Variants in ARHGEF7 observed in about 807,000 individuals in gnomAD.
The protein encoded by ARHGEF7 is Rho guanine nucleotide exchange factor 7.
In ARHGEF7, 33 loss-of-function variants were observed where a neutral mutation model predicts 109.8. The observed-to-expected ratio is 0.30, with a 90% CI of 0.23 to 0.40. The LOEUF is 0.40. Ranked by LOEUF, ARHGEF7 falls within the 10% of genes least tolerant of loss-of-function variation. ARHGEF7 has a pLI of 1.00. For synonymous variants in ARHGEF7, 458 were observed against 424.6 expected (o/e 1.08, Z -0.97); for missense variants, 938 against 1,098.5 (o/e 0.85, Z 2.07).
chr13:111,170,497 C>T (rs1337603341), intron 2 of ARHGEF7, among the ~76,000 whole-genome samples: 1 of 152,220 alleles, frequency 6.6e-6, no homozygotes, highest in Non-Finnish European at 1.5e-5. Flanking sequence ...CTTATTTTAT[C>T]TCTTATGTAG....
At chr13:111,216,278 G>C (rs946976354) in intron 4 of ARHGEF7, among the ~76,000 whole-genome samples, 5 of 152,138 alleles carry the variant, frequency 3.3e-5, no homozygotes, top group East Asian at 1.9e-4. Flanking sequence ...GTTGCTGGAT[G>C]GGGGGGTGAT....
intron 15 of ARHGEF7, chr13:111,281,181 C>CTTTTTTTTTTTTTTTTTTTTTTTTTTTT: frequency 1.7e-5 from 1 of 59,446 alleles, no homozygotes; most frequent in Non-Finnish European, 3.1e-5. Context: ...TATTTAGAGA[C>CTTTTTTTTTTTTTTTTTTTTTTTTTTTT]TTTTTTTTTT....
At chr13:111,193,017 T>C (rs1038902510) in intron 2 of ARHGEF7, among the ~76,000 whole-genome samples, 1 of 152,218 alleles carries the variant, frequency 6.6e-6, no homozygotes, top group Non-Finnish European at 1.5e-5. Context: ...ATTATTCCTT[T>C]GGCACACCTC....
chr13:111,132,361 C>T (rs1204079625), intron 1 of ARHGEF7, among the ~76,000 whole-genome samples: 1 of 152,078 alleles, frequency 6.6e-6, no homozygotes, highest in African/African-American at 2.4e-5. Flanking sequence ...TTAATATTTC[C>T]CCTTTGATTC....
At chr13:111,150,502 TG>T (rs1330463457) in intron 1 of ARHGEF7, among the ~76,000 whole-genome samples, 64 of 152,348 alleles carry the variant, frequency 4.2e-4, no homozygotes, top group African/African-American at 1.5e-3. Flanking sequence ...CAATATGCAT[TG>T]TTTTTTTACA....
At chr13:111,153,142 T>C (rs1437479547) in intron 1 of ARHGEF7, among the ~76,000 whole-genome samples, 1 of 152,260 alleles carries the variant, frequency 6.6e-6, no homozygotes, top group Non-Finnish European at 1.5e-5. Flanking sequence ...TTTTAAGTCA[T>C]TGCATTAGAA....
chr13:111,223,483 C>G (rs889390632), intron 5 of ARHGEF7, among the ~76,000 whole-genome samples: 2 of 152,164 alleles, frequency 1.3e-5, no homozygotes, highest in African/African-American at 2.4e-5. Flanking sequence ...CTAAATGGCA[C>G]TTTTTTAGGC....
At chr13:111,238,804 C>G (rs1595062934) in intron 6 of ARHGEF7, among the ~76,000 whole-genome samples, 1 of 152,100 alleles carries the variant, frequency 6.6e-6, no homozygotes, top group African/African-American at 2.4e-5. Context: ...TGGGAAGACA[C>G]AGTCCTTATG....
intron 5 of ARHGEF7, among the ~76,000 whole-genome samples, chr13:111,223,036 A>G (rs2084680225): frequency 6.6e-6 from 1 of 152,220 alleles, no homozygotes; most frequent in Non-Finnish European, 1.5e-5. Context: ...TATTGTACCT[A>G]ATTTCCAGAT....
In ARHGEF7 at chr13:111,218,550, A is replaced by G. The variant is rs368585107; in HGVS notation, c.670+670A>G. Among the ~76,000 whole-genome samples, 11 of 152,268 alleles carry G rather than the reference A, an allele frequency of 7.2e-5. No individual in the cohort carries two copies. The East Asian group carries it at 1.7e-3, about 24-fold the overall frequency. ...TACTTGCATCCTGCCCTGTAGTTGA[A>G]AAACACCGTTGTATACTACAGTTCC... is the stretch of plus-strand genomic sequence containing the variant. On this transcript the variant is annotated intron_variant, in intron 5 of 21. Transcript: ENST00000646102.
chr13:111,132,355 T>A (rs969912645), intron 1 of ARHGEF7, among the ~76,000 whole-genome samples: 1 of 152,210 alleles, frequency 6.6e-6, no homozygotes, highest in Non-Finnish European at 1.5e-5. Context: ...AGGTGTTTAA[T>A]ATTTCCCCTT....
At chr13:111,199,827 A>G (rs2081001884) in intron 2 of ARHGEF7, among the ~76,000 whole-genome samples, 5 of 152,204 alleles carry the variant, frequency 3.3e-5, no homozygotes, top group Admixed American at 3.3e-4. Flanking sequence ...AGGAACAATC[A>G]GCCTGGGCCT....
intron 1 of ARHGEF7, among the ~76,000 whole-genome samples, chr13:111,133,632 G>C (rs1404422522): frequency 6.6e-6 from 1 of 150,574 alleles, no homozygotes; most frequent in Non-Finnish European, 1.5e-5. Context: ...CTTTTGTCTA[G>C]GTGGTTATAT....
chr13:111,199,686 C>T (rs1055980182), intron 2 of ARHGEF7, among the ~76,000 whole-genome samples: 9 of 152,204 alleles, frequency 5.9e-5, no homozygotes, highest in African/African-American at 1.9e-4. Context: ...AATAGAATTC[C>T]TTTGGAGGCA....
chr13:111,241,877 GAT>G (rs1226829780), intron 6 of ARHGEF7, among the ~76,000 whole-genome samples: 3 of 152,174 alleles, frequency 2.0e-5, no homozygotes, highest in Non-Finnish European at 2.9e-5. Flanking sequence ...GGACTTTTCT[GAT>G]ACGTCTGTGA....
At chr13:111,150,088 T>A (rs1201635499) in intron 1 of ARHGEF7, among the ~76,000 whole-genome samples, 1 of 152,192 alleles carries the variant, frequency 6.6e-6, no homozygotes, top group Non-Finnish European at 1.5e-5. Flanking sequence ...AGTTTGTCTT[T>A]TGCAACTTGT....
chr13:111,244,121 A>G lies in ARHGEF7; in HGVS notation c.855-78A>G, dbSNP rs1414042668. ...CTGTTTATTAGGTTAAGACTTCAATAGGACATTGGGATGGCAAAGGAGAAG... is the reference window on the plus strand; with the variant it reads ...CTGTTTATTAGGTTAAGACTTCAATGGGACATTGGGATGGCAAAGGAGAAG... On this transcript the variant is annotated intron_variant, in intron 7 of 21. Coordinates refer to ENST00000646102, the MANE Select transcript of ARHGEF7 (RefSeq NM_001354046.2). 4.7e-6 allele frequency: 6 copies of G among 1,265,324 alleles called. No individual in the cohort carries two copies. In the Admixed American group the frequency reaches 1.0e-4, roughly 22 times the overall value. 78.4% of individuals were successfully genotyped at this position (1,265,324 alleles called of 1,614,324 possible). A position where few individuals can be genotyped will look rare whatever the true frequency, so the allele number is the denominator to read the frequency against.
At chr13:111,167,821 A>G (rs189898617) in intron 2 of ARHGEF7, among the ~76,000 whole-genome samples, 47 of 152,226 alleles carry the variant, frequency 3.1e-4, no homozygotes, top group African/African-American at 1.1e-3. Flanking sequence ...CAGTTTGCCT[A>G]TTTCCACTGA....
At chr13:111,141,956 G>A (rs1056553078) in intron 1 of ARHGEF7, among the ~76,000 whole-genome samples, 17 of 152,234 alleles carry the variant, frequency 1.1e-4, no homozygotes, top group African/African-American at 4.1e-4. Flanking sequence ...CAATGAATGC[G>A]AGTTCCACTG....
Sources: gnomAD v4.1 joint callset for allele counts (sites outside exome capture counted in the v4.1 genomes callset) on GRCh38, gnomAD v4.1.1 for gene constraint, MANE v1.5 for transcripts, NCBI Gene and HGNC (gene_info 2026-07-23, HGNC 2026-07-21) for gene names.